CADPS2: variants seen among roughly 807,000 people sequenced by gnomAD.
The protein encoded by CADPS2 is calcium-dependent secretion activator 2.
CADPS2 carries 93 observed loss-of-function variants against 172.5 expected under a neutral mutation model. The ratio of observed to expected loss-of-function variants is 0.54; its 90% CI spans 0.46 to 0.64. CADPS2 has a LOEUF of 0.64. Among genes scored for constraint, CADPS2 ranks in the 30% least tolerant of loss-of-function variants. The pLI is 0.00. For missense variants in CADPS2, 1,420 were observed against 1,565.9 expected (o/e 0.91, Z 1.57); for synonymous variants, 546 against 555.2 (o/e 0.98, Z 0.23).
chr7:122,627,352 T>C (rs1326721502), intron 4 of CADPS2, among the ~76,000 whole-genome samples: 1 of 152,226 alleles, frequency 6.6e-6, no homozygotes, highest in Non-Finnish European at 1.5e-5. Flanking sequence ...GAACTTGAAG[T>C]GGAAAGCAAT....
intron 8 of CADPS2, among the ~76,000 whole-genome samples, chr7:122,527,617 A>AGT (rs59653845): frequency 0.11 from 9,274 of 83,756 alleles, 629 homozygotes; most frequent in Non-Finnish European, 0.14. Flanking sequence ...AGAGAGAGAG[A>AGT]GTGTGTGTGT....
intron 1 of CADPS2, among the ~76,000 whole-genome samples, chr7:122,844,299 C>A (rs1439043096): frequency 6.6e-6 from 1 of 152,206 alleles, no homozygotes; most frequent in Non-Finnish European, 1.5e-5. Flanking sequence ...TAGTGGTAAT[C>A]ACGCCCTTTC....
At chr7:122,600,597 C>T (rs919010728) in intron 6 of CADPS2, among the ~76,000 whole-genome samples, 8 of 152,056 alleles carry the variant, frequency 5.3e-5, no homozygotes, top group Non-Finnish European at 1.2e-4. Flanking sequence ...GACCCCTGCT[C>T]TAAGCAATGT....
At chr7:122,803,974 GAA>G (rs869246600) in intron 1 of CADPS2, among the ~76,000 whole-genome samples, 10 of 85,122 alleles carry the variant, frequency 1.2e-4, no homozygotes, top group African/African-American at 1.3e-4. Flanking sequence ...GGCTTGAATG[GAA>G]AAAAAAAAAA....
rs777361326 is a variant in CADPS2 at position 122,379,531 on chromosome 7, A to T, written c.3313-89T>A. 2.3e-5 allele frequency: 18 copies of T among 767,272 alleles called. No homozygotes were observed. The East Asian group carries it at 4.0e-4, about 17-fold the overall frequency. 47.5% of individuals were successfully genotyped at this position (767,272 alleles called of 1,614,324 possible). Reference sequence around the variant, plus strand: ...AAATGCTCTAAATCTACTAGTTATGACCTATCAGATTTATTTAAAATGATC... The same window carrying T: ...AAATGCTCTAAATCTACTAGTTATGTCCTATCAGATTTATTTAAAATGATC... On this transcript the variant is annotated intron_variant, in intron 24 of 29. Coordinates refer to ENST00000449022, the MANE Select transcript of CADPS2 (RefSeq NM_017954.11).
Position 122,886,209 on chromosome 7 carries a change from G to A in CADPS2, c.129C>T (p.Asp43=), listed in dbSNP as rs760327277. The A allele has an allele frequency of 6.1e-6, 9 of 1,471,846 alleles. No individual in the cohort carries two copies. In the South Asian group the frequency reaches 9.6e-5, roughly 16 times the overall value. The allele number at this position is 1,471,846 out of a possible 1,614,324, so 91.2% of individuals were successfully genotyped here. The change falls in exon 1 of 30, where the codon GAC becomes GAT. Residue 43 remains aspartate, a synonymous_variant. Coordinates refer to ENST00000449022, the MANE Select transcript of CADPS2 (RefSeq NM_017954.11). ...CGCCGCCGCCCGCGCGCCCCGGCGCGTCCCGCCGCCCTTCCCGAGTCGGGG... is the reference window on the plus strand; with the variant it reads ...CGCCGCCGCCCGCGCGCCCCGGCGCATCCCGCCGCCCTTCCCGAGTCGGGG... The part of the protein sequence containing the change: ...PPAPTREGRR[D]APGRAGGGGA...
At chr7:122,401,756 G>C (rs1187557174) in intron 20 of CADPS2, among the ~76,000 whole-genome samples, 2 of 152,146 alleles carry the variant, frequency 1.3e-5, no homozygotes, top group East Asian at 3.9e-4. Flanking sequence ...GCAGGGTAGA[G>C]AGCGAAGTGA....
At chr7:122,625,850 A>G (rs1386665847) in intron 4 of CADPS2, among the ~76,000 whole-genome samples, 2 of 152,148 alleles carry the variant, frequency 1.3e-5, no homozygotes, top group Admixed American at 1.3e-4. Context: ...TTTTAATATT[A>G]TATACATATT....
chr7:122,738,846 AG>A lies in CADPS2; in HGVS notation c.340-1779del, dbSNP rs1441722684. On this transcript the variant is annotated intron_variant, in intron 1 of 29. Transcript: ENST00000449022. ...AATTAAAAAGTGTCCTATTGTACCC[AG>A]GGGGGGAAAAAAAAAAAAAAAAAAC... 3.9e-3 allele frequency among the ~76,000 whole-genome samples: 399 copies of A among 103,182 alleles called. 3 individuals are homozygous for A. Among genetic ancestry groups the A allele is most frequent in the African/African-American group, 0.012 (388 of 31,916 alleles). The allele number at this position is 103,182 out of a possible 152,430, so 67.7% of individuals were successfully genotyped here.
At chr7:122,619,215 T>C (rs570023882) in intron 5 of CADPS2, among the ~76,000 whole-genome samples, 8 of 152,230 alleles carry the variant, frequency 5.3e-5, no homozygotes, top group Non-Finnish European at 8.8e-5. Context: ...TTTTGAACAA[T>C]AGAGAAAAGA....
At chr7:122,543,383 G>A (rs2131676895) in intron 8 of CADPS2, among the ~76,000 whole-genome samples, 1 of 152,082 alleles carries the variant, frequency 6.6e-6, no homozygotes, top group South Asian at 2.1e-4. Context: ...ACTCTTGATG[G>A]TTTTTTAAGT....
At chr7:122,774,269 TACACACACACACACACACACACACAC>T (rs56843003) in intron 1 of CADPS2, among the ~76,000 whole-genome samples, 4 of 142,966 alleles carry the variant, frequency 2.8e-5, no homozygotes, top group South Asian at 2.3e-4. Context: ...TAGATAGATA[TACACACACACACACACACACACACAC>T]ACACACACAC....
intron 6 of CADPS2, among the ~76,000 whole-genome samples, chr7:122,612,573 T>C (rs1415240434): frequency 1.3e-5 from 2 of 152,040 alleles, no homozygotes; most frequent in Non-Finnish European, 2.9e-5. Flanking sequence ...CCCATATGTG[T>C]GGATCAGAAG....
At chr7:122,638,254 C>T (rs972848025) in intron 3 of CADPS2, among the ~76,000 whole-genome samples, 3 of 152,144 alleles carry the variant, frequency 2.0e-5, no homozygotes, top group Admixed American at 6.5e-5. Flanking sequence ...GAGACATGCC[C>T]TGCTCCCCCA....
At chr7:122,516,081 T>C (rs2130902685) in intron 8 of CADPS2, among the ~76,000 whole-genome samples, 1 of 152,214 alleles carries the variant, frequency 6.6e-6, no homozygotes, top group South Asian at 2.1e-4. Flanking sequence ...TATTAGGGGT[T>C]AGTAGAAGAT....
intron 2 of CADPS2, among the ~76,000 whole-genome samples, chr7:122,710,227 G>C (rs1432265494): frequency 6.6e-6 from 1 of 152,036 alleles, no homozygotes; most frequent in Non-Finnish European, 1.5e-5. Context: ...GAAATAACAG[G>C]GCAGAGGTGA....
intron 6 of CADPS2, 105 bp from the exon 7 acceptor site, chr7:122,581,395 C>A: frequency 1.3e-6 from 1 of 782,690 alleles, no homozygotes; most frequent in Non-Finnish European, 2.1e-6. Flanking sequence ...CTTCTGTGCT[C>A]AATGAGCTTT....
chr7:122,406,751 A>G lies in CADPS2; in HGVS notation c.2746+789T>C, dbSNP rs561868162. On this transcript the variant is annotated intron_variant, in intron 20 of 29. Coordinates refer to ENST00000449022, the MANE Select transcript of CADPS2 (RefSeq NM_017954.11). Reference sequence around the variant, plus strand: ...TGGGTCAGAACCAGAGGTTAGGAGGAGGCAGAGTTCATCTTGGTGCATCAT... The same window carrying G: ...TGGGTCAGAACCAGAGGTTAGGAGGGGGCAGAGTTCATCTTGGTGCATCAT... 2.0e-5 allele frequency among the ~76,000 whole-genome samples: 3 copies of G among 152,302 alleles called. No individual in the cohort carries two copies. In the South Asian group the frequency reaches 6.2e-4, roughly 32 times the overall value.
chr7:122,693,252 A>G (rs1010754775), intron 2 of CADPS2, among the ~76,000 whole-genome samples: 40 of 152,116 alleles, frequency 2.6e-4, no homozygotes, highest in Non-Finnish European at 4.9e-4. Context: ...TTCAAATATC[A>G]TTTCCTTCTT....
Sources: gnomAD v4.1 joint callset for allele counts (sites outside exome capture counted in the v4.1 genomes callset) on GRCh38, gnomAD v4.1.1 for gene constraint, MANE v1.5 for transcripts, NCBI Gene and HGNC (gene_info 2026-07-23, HGNC 2026-07-21) for gene names.